AHCYL2: variants seen among roughly 807,000 people sequenced by gnomAD.
The protein encoded by AHCYL2 is adenosylhomocysteinase like 2, also known as S-adenosylhomocysteine hydrolase-like protein 2.
Under a neutral mutation model 81.4 loss-of-function variants are expected in AHCYL2, and 28 were observed. The ratio of observed to expected loss-of-function variants is 0.34; its 90% CI spans 0.25 to 0.47. The LOEUF is 0.47. AHCYL2 is among the 20% of genes least tolerant of loss of function. The probability of loss-of-function intolerance (pLI) is 1.00; values close to 1 mark genes in which losing one functional copy is unlikely to be tolerated. For missense variants in AHCYL2, 551 were observed against 785.1 expected (o/e 0.70, Z 3.56); for synonymous variants, 272 against 290.2 (o/e 0.94, Z 0.64).
intron 1 of AHCYL2, among the ~76,000 whole-genome samples, chr7:129,268,520 G>T (rs901234721): frequency 5.3e-5 from 8 of 151,956 alleles, no homozygotes; most frequent in African/African-American, 1.5e-4. Flanking sequence ...GCTAATTTTT[G>T]TATTTTTATA....
chr7:129,255,331 TA>T, intron 1 of AHCYL2, among the ~76,000 whole-genome samples: 1 of 152,270 alleles, frequency 6.6e-6, no homozygotes, highest in Admixed American at 6.5e-5. Context: ...CCCAGTAAAT[TA>T]AAAAGTTATT....
intron 1 of AHCYL2, among the ~76,000 whole-genome samples, chr7:129,266,112 C>T (rs1795803151): frequency 6.6e-6 from 1 of 152,148 alleles, no homozygotes; most frequent in African/African-American, 2.4e-5. Flanking sequence ...TTAGTATATT[C>T]CTGTTTCTTG....
At chr7:129,251,227 A>C (rs1795237584) in intron 1 of AHCYL2, among the ~76,000 whole-genome samples, 1 of 151,846 alleles carries the variant, frequency 6.6e-6, no homozygotes, top group Admixed American at 6.6e-5. Context: ...TGATGTTTTA[A>C]GTGCCTTATC....
At chr7:129,318,294 T>C (rs1394592225) in intron 1 of AHCYL2, among the ~76,000 whole-genome samples, 1 of 152,242 alleles carries the variant, frequency 6.6e-6, no homozygotes, top group Admixed American at 6.5e-5. Flanking sequence ...CAGGTCTTGC[T>C]ATGTTGCCAT....
At chr7:129,308,513 T>A (rs1797524711) in intron 1 of AHCYL2, among the ~76,000 whole-genome samples, 1 of 152,256 alleles carries the variant, frequency 6.6e-6, no homozygotes, top group Admixed American at 6.5e-5. Flanking sequence ...CAGTGATATG[T>A]AGTTAAAACC....
chr7:129,340,063 C>T lies in AHCYL2; in HGVS notation c.364-39575C>T, dbSNP rs553891314. On this transcript the variant is annotated intron_variant, in intron 1 of 16. Coordinates refer to ENST00000325006, the MANE Select transcript of AHCYL2 (RefSeq NM_015328.4). ...CCTCCCTAGCAGCTGGGACTACAGG[C>T]GCACTCCGCCACGCTTGGCTTATTT... Among the ~76,000 whole-genome samples, 4 of 150,858 alleles carry T rather than the reference C, an allele frequency of 2.7e-5. No homozygotes were observed. In the South Asian group the frequency reaches 8.3e-4, roughly 31 times the overall value.
chr7:129,413,649 C>T lies in AHCYL2; in HGVS notation c.1422C>T (p.Ile474=), dbSNP rs761213718. 4.6e-5 allele frequency: 74 copies of T among 1,614,088 alleles called. No homozygotes were observed. Among genetic ancestry groups the T allele is most frequent in the Non-Finnish European group, 5.3e-5 (62 of 1,180,000 alleles). ...TGGACCGTATGAAGAATAGCTGCAT[C>T]GTTTGTAACATGGGACATTCCAACA... ...EHLDRMKNSC[I]VCNMGHSNTE... The change falls in exon 12 of 17, where the codon ATC becomes ATT. Residue 474 remains isoleucine (I), a synonymous_variant. Transcript: ENST00000325006.
At chr7:129,347,467 C>G (rs1793403546) in intron 1 of AHCYL2, among the ~76,000 whole-genome samples, 1 of 152,134 alleles carries the variant, frequency 6.6e-6, no homozygotes, top group Non-Finnish European at 1.5e-5. Flanking sequence ...TTTTTAAAAA[C>G]AGAACAGCTG....
At chr7:129,266,491 T>G (rs1795815471) in intron 1 of AHCYL2, among the ~76,000 whole-genome samples, 1 of 151,798 alleles carries the variant, frequency 6.6e-6, no homozygotes. Context: ...ATCTCACAAT[T>G]GCACTCCATC....
At chr7:129,306,767 G>A (rs1205821918) in intron 1 of AHCYL2, among the ~76,000 whole-genome samples, 2 of 152,170 alleles carry the variant, frequency 1.3e-5, no homozygotes, top group Non-Finnish European at 2.9e-5. Flanking sequence ...AGGGACTTGG[G>A]TGTTGAGATC....
At chr7:129,341,792 T>C (rs1163127881) in intron 1 of AHCYL2, among the ~76,000 whole-genome samples, 1 of 152,174 alleles carries the variant, frequency 6.6e-6, no homozygotes, top group African/African-American at 2.4e-5. Flanking sequence ...CTCATGGTTA[T>C]CATATGAAAC....
At chr7:129,330,285 G>A (rs1323341024) in intron 1 of AHCYL2, among the ~76,000 whole-genome samples, 1 of 151,202 alleles carries the variant, frequency 6.6e-6, no homozygotes, top group Non-Finnish European at 1.5e-5. Context: ...GGCGTGAGCC[G>A]CTGCACCCTG....
At chr7:129,296,534 C>T (rs974966481) in intron 1 of AHCYL2, among the ~76,000 whole-genome samples, 1 of 152,020 alleles carries the variant, frequency 6.6e-6, no homozygotes, top group Non-Finnish European at 1.5e-5. Context: ...CATACTGAGA[C>T]CCCATCTCTA....
At chr7:129,326,142 C>T (rs1295849656) in intron 1 of AHCYL2, among the ~76,000 whole-genome samples, 1 of 152,080 alleles carries the variant, frequency 6.6e-6, no homozygotes, top group Non-Finnish European at 1.5e-5. Flanking sequence ...TAGTATACAT[C>T]TGTGATCATT....
chr7:129,363,419 T>C (rs1465469544), intron 1 of AHCYL2, among the ~76,000 whole-genome samples: 1 of 152,196 alleles, frequency 6.6e-6, no homozygotes, highest in East Asian at 1.9e-4. Flanking sequence ...TTCAGAATTG[T>C]TGCAGAAAGA....
intron 1 of AHCYL2, among the ~76,000 whole-genome samples, chr7:129,334,859 G>T (rs1447542001): frequency 6.6e-6 from 1 of 152,132 alleles, no homozygotes; most frequent in East Asian, 1.9e-4. Context: ...AATAAAGAAA[G>T]GAAGAAGAAG....
At chr7:129,254,951 A>G (rs980351446) in intron 1 of AHCYL2, among the ~76,000 whole-genome samples, 2 of 152,186 alleles carry the variant, frequency 1.3e-5, no homozygotes, top group African/African-American at 4.8e-5. Context: ...TAGAAAGTAA[A>G]GAATTAAATT....
intron 6 of AHCYL2, among the ~76,000 whole-genome samples, chr7:129,400,677 A>G (rs1229949528): frequency 6.6e-6 from 1 of 152,148 alleles, no homozygotes; most frequent in African/African-American, 2.4e-5. Context: ...TTAAAAAACA[A>G]TAGTAATGAG....
chr7:129,379,840 G>T, intron 2 of AHCYL2, 91 bp downstream of exon 2: 2 of 909,498 alleles, frequency 2.2e-6, no homozygotes, highest in South Asian at 3.5e-5. Context: ...AATTAAGCAT[G>T]ACCAAGACTG....
Sources: allele counts gnomAD v4.1 joint callset (sites outside exome capture counted in the v4.1 genomes callset), GRCh38; gene constraint gnomAD v4.1.1; transcripts MANE v1.5; gene names NCBI Gene and HGNC (gene_info 2026-07-23, HGNC 2026-07-21).